Variants in PSG2 observed in about 807,000 individuals in gnomAD.
PSG2 encodes the protein pregnancy-specific beta-1-glycoprotein 2.
PSG2 carries 49 observed loss-of-function variants against 36.2 expected under a neutral mutation model. The observed-to-expected ratio is 1.35, with a 90% confidence interval of 1.08 to 1.72. The LOEUF (loss-of-function observed/expected upper bound fraction) is 1.72, where lower values mean the gene tolerates loss of function less well. PSG2 is among the 40% of genes most tolerant of loss of function. The pLI is 0.00. For missense variants in PSG2, 605 were observed against 407.2 expected (o/e 1.49, Z -4.18); for synonymous variants, 261 against 155.6 (o/e 1.68, Z -5.04).
At chr19:43,074,044 C>A (rs1403918632) in intron 3 of PSG2, among the ~76,000 whole-genome samples, 1 of 151,738 alleles carries the variant, frequency 6.6e-6, no homozygotes, top group African/African-American at 2.4e-5. Flanking sequence ...CAATTCCATA[C>A]TGGCCATGCT....
Position 43,072,063 on chromosome 19 carries a change from C to A in PSG2, c.710-109G>T, listed in dbSNP as rs554593856. ...TCTGAGACAAGACACATCCTCAAGT[C>A]CCAGCAAAACCCCCTCTATGTTCAC... On this transcript the variant is annotated intron_variant, in intron 3 of 5. Coordinates refer to ENST00000406487, the MANE Select transcript of PSG2 (RefSeq NM_031246.4). The A allele has an allele frequency of 1.2e-5, 18 of 1,458,486 alleles. No homozygotes were observed. In the South Asian group the frequency reaches 2.0e-4, roughly 16 times the overall value. The allele number at this position is 1,458,486 out of a possible 1,614,324, so 90.3% of individuals were successfully genotyped here.
At chr19:43,073,878 C>A (rs1001654546) in intron 3 of PSG2, among the ~76,000 whole-genome samples, 50 of 151,848 alleles carry the variant, frequency 3.3e-4, no homozygotes, top group African/African-American at 1.2e-3. Flanking sequence ...ACTGGTTTAG[C>A]ATCCCAAATC....
chr19:43,073,444 C>G (rs1357351054), intron 3 of PSG2, among the ~76,000 whole-genome samples: 8 of 151,556 alleles, frequency 5.3e-5, no homozygotes, highest in Admixed American at 3.3e-4. Context: ...CGGACATTTG[C>G]AAAAGCAGAA....
At chr19:43,070,601 GA>G (rs1444464889) in intron 4 of PSG2, among the ~76,000 whole-genome samples, 1 of 151,600 alleles carries the variant, frequency 6.6e-6, no homozygotes, top group East Asian at 1.9e-4. Context: ...GACACAAAAG[GA>G]TAATTATTAT....
At chr19:43,076,267 C>A (rs556715347) in intron 2 of PSG2, among the ~76,000 whole-genome samples, 2 of 151,672 alleles carry the variant, frequency 1.3e-5, no homozygotes, top group African/African-American at 4.9e-5. Flanking sequence ...CCAGTGACCT[C>A]TAAAGATAGA....
intron 4 of PSG2, among the ~76,000 whole-genome samples, chr19:43,067,326 G>T (rs1470955442): frequency 6.6e-6 from 1 of 150,946 alleles, no homozygotes; most frequent in African/African-American, 2.5e-5. Context: ...TCCCATCTTG[G>T]ATGCATCTCA....
chr19:43,079,365 G>A (rs1375428768), intron 2 of PSG2, among the ~76,000 whole-genome samples: 1 of 151,418 alleles, frequency 6.6e-6, no homozygotes, highest in Non-Finnish European at 1.5e-5. Context: ...AGAGGTAGTG[G>A]GGGGATGAAA....
intron 5 of PSG2, chr19:43,065,935 T>C (rs1423224348): frequency 6.5e-6 from 1 of 153,010 alleles, no homozygotes; most frequent in Non-Finnish European, 1.5e-5. Flanking sequence ...TATGTCTATA[T>C]GGGTGAAGGG....
rs1443553798 is a variant in PSG2, at chr19:43,073,543, A to G, written c.710-1589T>C. The stretch of plus-strand genomic sequence containing the variant: ...TGATGGATATGAGACAAATTTGGAG[A>G]GAAGTTTTTCAAATATTTTCTTTCA... On this transcript the variant is annotated intron_variant, in intron 3 of 5. Coordinates refer to ENST00000406487, the MANE Select transcript of PSG2 (RefSeq NM_031246.4). 4.6e-5 allele frequency among the ~76,000 whole-genome samples: 7 copies of G among 151,742 alleles called. No individual in the cohort carries two copies. The South Asian group carries it at 6.2e-4, about 14-fold the overall frequency.
In PSG2 at chr19:43,074,990, C is replaced by G. The variant is rs1234069724; in HGVS notation, c.709+364G>C. On this transcript the variant is annotated intron_variant, in intron 3 of 5. Transcript: ENST00000406487. Reference sequence around the variant, plus strand: ...AGCATAAAGTCACAGGCACTATTGTCAGAGGGAAGGGAAAATCCTGGTCTG... The same window carrying G: ...AGCATAAAGTCACAGGCACTATTGTGAGAGGGAAGGGAAAATCCTGGTCTG... 2.6e-5 allele frequency among the ~76,000 whole-genome samples: 4 copies of G among 151,672 alleles called. No homozygotes were observed. In the East Asian group the frequency reaches 5.8e-4, roughly 22 times the overall value.
At chr19:43,068,676 AT>A (rs1299932594) in intron 4 of PSG2, among the ~76,000 whole-genome samples, 1 of 151,688 alleles carries the variant, frequency 6.6e-6, no homozygotes, top group Non-Finnish European at 1.5e-5. Flanking sequence ...GAAATTCCAT[AT>A]TTTTTCATAA....
intron 3 of PSG2, among the ~76,000 whole-genome samples, chr19:43,073,786 T>TGTGC (rs1967852562): frequency 3.3e-5 from 5 of 151,652 alleles, no homozygotes; most frequent in Admixed American, 2.6e-4. Context: ...ACAGATTGAG[T>TGTGC]ATTTCTTATG....
chr19:43,069,942 T>C (rs566719439), intron 4 of PSG2, among the ~76,000 whole-genome samples: 3 of 151,874 alleles, frequency 2.0e-5, no homozygotes, highest in African/African-American at 4.8e-5. Context: ...ATATGTGTGA[T>C]AAGAAATTAA....
At chr19:43,077,109 A>T (rs1177153170) in intron 2 of PSG2, among the ~76,000 whole-genome samples, 1 of 151,712 alleles carries the variant, frequency 6.6e-6, no homozygotes, top group Non-Finnish European at 1.5e-5. Context: ...ATGTTTTCAT[A>T]AGTGGAAATT....
intron 4 of PSG2, 92 bp from the exon 5 acceptor site, chr19:43,066,692 A>G (rs1446075773): frequency 2.1e-5 from 30 of 1,412,042 alleles, no homozygotes; most frequent in East Asian, 4.6e-5. Context: ...GAGGTACTCT[A>G]TAATTGTTTC....
chr19:43,073,712 T>C (rs528827793), intron 3 of PSG2, among the ~76,000 whole-genome samples: 1 of 151,654 alleles, frequency 6.6e-6, no homozygotes, highest in East Asian at 1.9e-4. Context: ...GGGTGTGCAG[T>C]TTCAGTTATG....
At chr19:43,074,982 A>G (rs998124490) in intron 3 of PSG2, among the ~76,000 whole-genome samples, 1 of 151,594 alleles carries the variant, frequency 6.6e-6, no homozygotes. Context: ...AGTCACAGGC[A>G]CTATTGTCAG....
intron 5 of PSG2, among the ~76,000 whole-genome samples, chr19:43,066,236 A>G (rs1967737744): frequency 1.3e-5 from 2 of 151,712 alleles, no homozygotes; most frequent in South Asian, 4.2e-4. Context: ...AGAGATGTTA[A>G]AAATAATGAA....
intron 2 of PSG2, among the ~76,000 whole-genome samples, chr19:43,079,587 C>T (rs879118591): frequency 6.6e-6 from 1 of 151,624 alleles, no homozygotes; most frequent in Non-Finnish European, 1.5e-5. Context: ...AAGGTCCTCT[C>T]CTTGATCCTC....
Sources: gnomAD v4.1 joint callset for allele counts (sites outside exome capture counted in the v4.1 genomes callset) on GRCh38, gnomAD v4.1.1 for gene constraint, MANE v1.5 for transcripts, NCBI Gene and HGNC (gene_info 2026-07-23, HGNC 2026-07-21) for gene names.